Variants in EXOC2 observed in about 807,000 individuals in gnomAD.
EXOC2 encodes the protein exocyst complex component 2, also known as SEC5-like 1.
EXOC2 carries 70 observed loss-of-function variants against 131.8 expected under a neutral mutation model. The ratio of observed to expected loss-of-function variants is 0.53; its 90% CI spans 0.44 to 0.65. EXOC2 has a LOEUF of 0.65. Among genes scored for constraint, EXOC2 ranks in the 30% least tolerant of loss-of-function variants. EXOC2 has a pLI of 0.00. For missense variants in EXOC2, 923 were observed against 1,108.6 expected (o/e 0.83, Z 2.38); for synonymous variants, 411 against 398.4 (o/e 1.03, Z -0.38).
At chr6:503,737 T>C (rs1764362286) in intron 23 of EXOC2, among the ~76,000 whole-genome samples, 2 of 152,172 alleles carry the variant, frequency 1.3e-5, no homozygotes, top group African/African-American at 4.8e-5. Context: ...ATAGTGTCCG[T>C]GTCTGGGAAA....
intron 4 of EXOC2, among the ~76,000 whole-genome samples, chr6:626,039 C>T (rs1257612167): frequency 6.6e-6 from 1 of 151,772 alleles, no homozygotes; most frequent in African/African-American, 2.4e-5. Context: ...TTTTACCTTC[C>T]TTTTTGGTTT....
At chr6:569,245 A>G (rs9405258) in intron 13 of EXOC2, among the ~76,000 whole-genome samples, 6,067 of 152,288 alleles carry the variant, frequency 0.04, 154 homozygotes, top group South Asian at 0.12. Context: ...TGAGATCTTA[A>G]CCTACTATTA....
At chr6:529,671 C>A (rs1250389442) in intron 23 of EXOC2, among the ~76,000 whole-genome samples, 1 of 152,070 alleles carries the variant, frequency 6.6e-6, no homozygotes, top group Non-Finnish European at 1.5e-5. Flanking sequence ...GAACAGTTAA[C>A]GTACTTACAT....
chr6:684,603 A>C (rs997590842), intron 1 of EXOC2, among the ~76,000 whole-genome samples: 2 of 152,196 alleles, frequency 1.3e-5, no homozygotes, highest in African/African-American at 4.8e-5. Context: ...GGATGGATTT[A>C]AAGTGTTTTC....
At chr6:562,699 G>T in intron 17 of EXOC2, 85 bp downstream of exon 17, 3 of 869,632 alleles carry the variant, frequency 3.4e-6, no homozygotes, top group East Asian at 3.0e-5. Flanking sequence ...TGCAACACAT[G>T]GAGCACATGC....
At position 506,549 on chromosome 6, in the gene EXOC2, G is replaced by A. The variant is rs899348101; in HGVS notation, c.2381-6849C>T. 1.3e-5 allele frequency among the ~76,000 whole-genome samples: 2 copies of A among 152,192 alleles called. No individual in the cohort carries two copies. Among genetic ancestry groups the A allele is most frequent in the Non-Finnish European group, 2.9e-5 (2 of 68,038 alleles). Reference sequence around the variant, plus strand: ...CCACAACTTTCCATGTTGTTCAAGCGAGGGAATGAGAAACAGTTTCTAAGC... The same window carrying A: ...CCACAACTTTCCATGTTGTTCAAGCAAGGGAATGAGAAACAGTTTCTAAGC... On this transcript the variant is annotated intron_variant, in intron 23 of 27. Transcript: ENST00000230449. The surrounding 1 kb of genome is among the most constrained non-coding windows in gnomAD (Gnocchi z 4.4).
chr6:625,112 CCTT>C (rs1359635450), intron 4 of EXOC2, among the ~76,000 whole-genome samples: 1 of 152,212 alleles, frequency 6.6e-6, no homozygotes, highest in East Asian at 1.9e-4. Flanking sequence ...CAGATTTAAA[CCTT>C]CTAAAAAACA....
At chr6:610,300 C>CA in intron 6 of EXOC2, 122 bp from the exon 7 acceptor site, 1 of 790,980 alleles carries the variant, frequency 1.3e-6, no homozygotes, top group Non-Finnish European at 2.1e-6. Flanking sequence ...TGAAAAGCAG[C>CA]AAAAACATGC....
intron 16 of EXOC2, 29 bp from the exon 17 acceptor site, chr6:562,874 T>C: frequency 6.8e-7 from 1 of 1,477,404 alleles, no homozygotes; most frequent in Non-Finnish European, 9.2e-7. Flanking sequence ...ACAAATACTT[T>C]ATTATAATTA....
At chr6:570,835 G>A (rs920368084) in intron 13 of EXOC2, among the ~76,000 whole-genome samples, 6 of 152,208 alleles carry the variant, frequency 3.9e-5, no homozygotes, top group African/African-American at 1.4e-4. Flanking sequence ...CATGACAGGG[G>A]AGCATCTAAT....
At position 589,500 on chromosome 6, in the gene EXOC2, C is replaced by T. The variant is rs116727167; in HGVS notation, c.1192+2969G>A. Reference sequence around the variant, plus strand: ...AAACTTCCCTGGACTTCCCCTCAACCGGACTGCACCCTTCCTATCATACAT... The same window carrying T: ...AAACTTCCCTGGACTTCCCCTCAACTGGACTGCACCCTTCCTATCATACAT... On this transcript the variant is annotated intron_variant, in intron 11 of 27. Coordinates refer to ENST00000230449, the MANE Select transcript of EXOC2 (RefSeq NM_018303.6). Among the ~76,000 whole-genome samples, 1,184 of 152,334 alleles carry T rather than the reference C, an allele frequency of 7.8e-3. 16 individuals carry two copies. The highest frequency in any genetic ancestry group is 0.026 in the African/African-American group (1,084 of 41,576).
chr6:507,343 AC>A (rs67475765), intron 23 of EXOC2, among the ~76,000 whole-genome samples: 83,753 of 114,072 alleles, frequency 0.73, 30,507 homozygotes, highest in South Asian at 0.86. Flanking sequence ...CCCCACACAC[AC>A]CACAGCAGTG....
At chr6:549,687 T>C (rs1757045088) in intron 21 of EXOC2, among the ~76,000 whole-genome samples, 1 of 152,244 alleles carries the variant, frequency 6.6e-6, no homozygotes, top group Non-Finnish European at 1.5e-5. Context: ...TTTTAATAAC[T>C]AATTACATTT....
intron 13 of EXOC2, among the ~76,000 whole-genome samples, chr6:568,109 G>C (rs1758075135): frequency 6.6e-6 from 1 of 152,178 alleles, no homozygotes; most frequent in Admixed American, 6.5e-5. Context: ...TGGTTAATTT[G>C]GTGTCATCTT....
At chr6:574,283 T>C (rs1758454479) in intron 12 of EXOC2, among the ~76,000 whole-genome samples, 1 of 152,196 alleles carries the variant, frequency 6.6e-6, no homozygotes, top group Non-Finnish European at 1.5e-5. Context: ...GGTTGTAATT[T>C]TGATAGATAT....
At chr6:624,060 G>A (rs1761430622) in intron 4 of EXOC2, among the ~76,000 whole-genome samples, 1 of 152,140 alleles carries the variant, frequency 6.6e-6, no homozygotes, top group Non-Finnish European at 1.5e-5. Context: ...TTAATTGCAG[G>A]TGAAGGCATC....
At chr6:619,225 G>C (rs894560504) in intron 5 of EXOC2, among the ~76,000 whole-genome samples, 1 of 152,172 alleles carries the variant, frequency 6.6e-6, no homozygotes, top group African/African-American at 2.4e-5. Context: ...TAGGAAATGA[G>C]AGACCTCTAA....
chr6:495,618 C>G (rs1226667120), intron 25 of EXOC2, among the ~76,000 whole-genome samples: 1 of 152,196 alleles, frequency 6.6e-6, no homozygotes, highest in East Asian at 1.9e-4. Flanking sequence ...TGCAGGAGCT[C>G]TTCCCTAAGC....
chr6:551,354 C>A (rs568807602), intron 21 of EXOC2, among the ~76,000 whole-genome samples: 2 of 152,298 alleles, frequency 1.3e-5, no homozygotes, highest in Middle Eastern at 3.4e-3. Flanking sequence ...AAGAAGATCG[C>A]ACCAAATCTG....
Sources: allele counts gnomAD v4.1 joint callset (sites outside exome capture counted in the v4.1 genomes callset), GRCh38; gene constraint gnomAD v4.1.1; non-coding constraint Gnocchi (gnomAD v3.1); transcripts MANE v1.5; gene names NCBI Gene and HGNC (gene_info 2026-07-23, HGNC 2026-07-21).